Variants in DNAH12 observed in about 807,000 individuals in gnomAD.
DNAH12 encodes axonemal beta dynein heavy chain 12.
DNAH12 carries 285 observed loss-of-function variants against 371.5 expected under a neutral mutation model. The ratio of observed to expected loss-of-function variants is 0.77; its 90% CI spans 0.70 to 0.85. DNAH12 has a LOEUF of 0.85. DNAH12 is among the 40% of genes least tolerant of loss of function. The pLI, the probability that DNAH12 is intolerant of heterozygous loss-of-function variation, is 0.00. For synonymous variants in DNAH12, 1,200 were observed against 1,213.0 expected, an observed-to-expected ratio of 0.99 and a Z score of 0.22; for missense variants, 3,611 against 3,689.4, an observed-to-expected ratio of 0.98 and a Z score of 0.55.
chr3:57,461,365 G>A (rs887637168), intron 19 of DNAH12, 124 bp downstream of exon 19: 4 of 764,786 alleles, frequency 5.2e-6, no homozygotes, highest in African/African-American at 3.5e-5. Flanking sequence ...AAAGTTATAG[G>A]TCTATGATTT....
chr3:57,483,911 G>A (rs143366493), intron 12 of DNAH12, among the ~76,000 whole-genome samples: 182 of 125,498 alleles, frequency 1.5e-3, no homozygotes, highest in Non-Finnish European at 8.8e-4. Flanking sequence ...TGATTGCACC[G>A]TTGCACTCCA....
chr3:57,462,869 T>C lies in DNAH12; in HGVS notation c.2356A>G (p.Ile786Val). Residue 786 changes from isoleucine to valine, a missense_variant, in exon 18 of 74, where the codon ATT (isoleucine) becomes GTT (valine). Coordinates refer to ENST00000495027, the MANE Select transcript of DNAH12 (RefSeq NM_001366028.2). ...MEQIKAFKEY[I>V]PTVSILCNPG... Reference sequence around the variant, plus strand: ...TTGCACAGAATGGAGACAGTAGGAATATATTCCTAATGGCAAAAATATAAA... The same window carrying C: ...TTGCACAGAATGGAGACAGTAGGAACATATTCCTAATGGCAAAAATATAAA... The C allele has an allele frequency of 6.5e-7, 1 of 1,550,172 alleles. No homozygotes were observed. The highest frequency in any genetic ancestry group is 8.7e-7 in the Non-Finnish European group (1 of 1,146,488).
At chr3:57,358,925 CA>C (rs1188963480) in intron 58 of DNAH12, among the ~76,000 whole-genome samples, 1 of 152,076 alleles carries the variant, frequency 6.6e-6, no homozygotes, top group Non-Finnish European at 1.5e-5. Context: ...GCTGAGATTA[CA>C]GGCGTCCACC....
chr3:57,506,684 C>A (rs2067770637), intron 8 of DNAH12, among the ~76,000 whole-genome samples: 1 of 152,074 alleles, frequency 6.6e-6, no homozygotes, highest in Non-Finnish European at 1.5e-5. Context: ...TCAAGTGATC[C>A]ACCTGCCTGG....
chr3:57,512,931 G>T (rs539197226), intron 4 of DNAH12, among the ~76,000 whole-genome samples: 1 of 152,178 alleles, frequency 6.6e-6, no homozygotes. Context: ...GAAGTCAGGA[G>T]TTCAAGACCA....
intron 35 of DNAH12, among the ~76,000 whole-genome samples, chr3:57,423,613 A>G (rs2064664157): frequency 6.6e-6 from 1 of 152,142 alleles, no homozygotes; most frequent in Admixed American, 6.5e-5. Context: ...AGATCAATGC[A>G]TTTAGGAATA....
intron 29 of DNAH12, among the ~76,000 whole-genome samples, chr3:57,444,070 G>C (rs376588314): frequency 9.2e-5 from 14 of 151,910 alleles, no homozygotes; most frequent in African/African-American, 3.4e-4. Flanking sequence ...GCATGGTGGC[G>C]CTTGCCTGTA....
intron 45 of DNAH12, among the ~76,000 whole-genome samples, chr3:57,390,424 A>AAAAAAAAAAAATATATAT: frequency 3.0e-5 from 1 of 33,440 alleles, no homozygotes; most frequent in African/African-American, 6.3e-5. Context: ...AAAAAAAAAA[A>AAAAAAAAAAAATATATAT]ATATATATAT....
chr3:57,398,272 A>G (rs1210589247), intron 43 of DNAH12, among the ~76,000 whole-genome samples: 1 of 152,164 alleles, frequency 6.6e-6, no homozygotes, highest in Non-Finnish European at 1.5e-5. Flanking sequence ...ACGAAGGTGG[A>G]GCAAGCCTAA....
chr3:57,470,659 T>A, intron 15 of DNAH12, 23 bp from the exon 16 acceptor site: 1 of 1,501,342 alleles, frequency 6.7e-7, no homozygotes, highest in Middle Eastern at 1.7e-4. Context: ...AAGTTTTTTG[T>A]CTTAAAAAAA....
chr3:57,473,020 T>G (rs531177033), intron 13 of DNAH12, among the ~76,000 whole-genome samples: 56 of 138,032 alleles, frequency 4.1e-4, no homozygotes, highest in African/African-American at 1.4e-3. Context: ...TAAAGGATTT[T>G]AAATTATTTT....
rs1046564110 is a variant in DNAH12, at chr3:57,378,532, A to G, written c.8223+626T>C. ...TCTGAGCTTGTTTTAAACACAAGCT[A>G]CCATATATTTTCATCTACACCTTTT... On this transcript the variant is annotated intron_variant, in intron 52 of 73. Transcript: ENST00000495027. Among the ~76,000 whole-genome samples, 303 of 152,136 alleles carry G rather than the reference A, an allele frequency of 2.0e-3. 4 individuals are homozygous for G. Among genetic ancestry groups the G allele is most frequent in the African/African-American group, 6.6e-3 (275 of 41,472 alleles).
chr3:57,366,705 A>G (rs2063059295), intron 57 of DNAH12, 24 bp downstream of exon 57: 1 of 152,260 alleles, frequency 6.6e-6, no homozygotes, highest in South Asian at 2.1e-4. Flanking sequence ...TAAACCATCT[A>G]GAAGCATCTA....
intron 30 of DNAH12, among the ~76,000 whole-genome samples, chr3:57,436,457 T>C (rs143306788): frequency 1.7e-3 from 255 of 152,318 alleles, no homozygotes; most frequent in Middle Eastern, 0.01. Flanking sequence ...CTGTGTCTTC[T>C]ATTCTTCAGT....
chr3:57,361,448 A>AC lies in DNAH12; in HGVS notation c.9360+2145_9360+2146insG, dbSNP rs2062931703. Among the ~76,000 whole-genome samples the AC allele has an allele frequency of 9.9e-5, 13 of 131,944 alleles. 1 individual carries two copies. The highest frequency in any genetic ancestry group is 2.8e-4 in the African/African-American group (9 of 32,448). The allele number at this position is 131,944 out of a possible 152,430, so 86.6% of individuals were successfully genotyped here. On this transcript the variant is annotated intron_variant, in intron 58 of 73. Transcript: ENST00000495027. ...ATATATATATACACACACACACTAT[A>AC]TATATATATATATATATATATATCT...
intron 60 of DNAH12, 43 bp from the exon 61 acceptor site, chr3:57,334,983 A>C: frequency 4.6e-6 from 7 of 1,511,846 alleles, no homozygotes; most frequent in Non-Finnish European, 6.2e-6. Flanking sequence ...TGTTGATTTT[A>C]AAATTGAATG....
chr3:57,296,760 G>T, intron 71 of DNAH12, 87 bp downstream of exon 71: 29 of 1,394,098 alleles, frequency 2.1e-5, no homozygotes, highest in Non-Finnish European at 2.6e-5. Context: ...AAGTAAAATT[G>T]CTTACAATGG....
At chr3:57,407,281 G>GAAAAAAA (rs35245549) in intron 40 of DNAH12, among the ~76,000 whole-genome samples, 1 of 133,596 alleles carries the variant, frequency 7.5e-6, no homozygotes, top group Non-Finnish European at 1.6e-5. Context: ...TTCAAAGACA[G>GAAAAAAA]AAAAAAAAAA....
At chr3:57,428,450 G>A (rs2064851189) in intron 34 of DNAH12, 183 bp downstream of exon 34, 1 of 1,530,092 alleles carries the variant, frequency 6.5e-7, no homozygotes, top group Non-Finnish European at 8.8e-7. Flanking sequence ...TAGTTTAGCT[G>A]GAATAATTCA....
Sources: allele counts gnomAD v4.1 joint callset (sites outside exome capture counted in the v4.1 genomes callset), GRCh38; gene constraint gnomAD v4.1.1; transcripts MANE v1.5; gene names NCBI Gene and HGNC (gene_info 2026-07-23, HGNC 2026-07-21).